ARHGEF9: variants seen among roughly 807,000 people sequenced by gnomAD.
ARHGEF9 encodes the protein Cdc42 guanine nucleotide exchange factor 9, also known as rho guanine nucleotide exchange factor 9.
In ARHGEF9, 2 loss-of-function variants were observed where a neutral mutation model predicts 41.3. The ratio of observed to expected loss-of-function variants is 0.05; its 90% CI spans 0.02 to 0.15. The LOEUF (loss-of-function observed/expected upper bound fraction) is 0.15. Ranked by LOEUF, ARHGEF9 falls within the 10% of genes least tolerant of loss-of-function variation. The probability of loss-of-function intolerance (pLI) is 1.00; values close to 1 mark genes in which losing one functional copy is unlikely to be tolerated. For missense variants in ARHGEF9, 225 were observed against 424.7 expected, an observed-to-expected ratio of 0.53 and a Z score of 4.13; for synonymous variants, 160 against 154.4, an observed-to-expected ratio of 1.04 and a Z score of -0.27.
At chrX:63,772,014 C>A (rs2056213877) in intron 1 of ARHGEF9, among the ~76,000 whole-genome samples, 1 of 112,001 alleles carries the variant, frequency 8.9e-6, no homozygotes, top group Non-Finnish European at 1.9e-5. Context: ...ACCACCAAAA[C>A]TGTGTGAGCC....
intron 1 of ARHGEF9, among the ~76,000 whole-genome samples, chrX:63,765,153 G>A (rs2056093688): frequency 9.0e-6 from 1 of 110,863 alleles, no homozygotes; most frequent in South Asian, 3.9e-4. Context: ...TTCAGGAAAT[G>A]AGTCCCAGTT....
chrX:63,725,431 T>G (rs1556416421), intron 1 of ARHGEF9, among the ~76,000 whole-genome samples: 1 of 112,363 alleles, frequency 8.9e-6, no homozygotes, highest in African/African-American at 3.2e-5. Flanking sequence ...CTGCATTTGA[T>G]GGATGGCAAA....
At chrX:63,697,872 A>G (rs2051864597) in intron 3 of ARHGEF9, among the ~76,000 whole-genome samples, 1 of 111,705 alleles carries the variant, frequency 9.0e-6, no homozygotes, top group African/African-American at 3.2e-5. Context: ...TGTTGTGTAC[A>G]TCAAAGTACA....
At chrX:63,752,912 G>A (rs1284722958) in intron 1 of ARHGEF9, among the ~76,000 whole-genome samples, 2 of 112,118 alleles carry the variant, frequency 1.8e-5, no homozygotes, top group African/African-American at 3.3e-5. Context: ...GAGCATGTGT[G>A]TAGATGTGTA....
chrX:63,775,179 A>G (rs2056272149), intron 1 of ARHGEF9, among the ~76,000 whole-genome samples: 1 of 112,389 alleles, frequency 8.9e-6, no homozygotes, highest in South Asian at 3.7e-4. Flanking sequence ...AAAATAACAA[A>G]TGGCTGATGA....
chrX:63,714,513 T>C (rs1204912999), intron 2 of ARHGEF9, among the ~76,000 whole-genome samples: 1 of 111,930 alleles, frequency 8.9e-6, no homozygotes, highest in African/African-American at 3.2e-5. Flanking sequence ...AGACAGTCTG[T>C]GACAGTGGTA....
intron 8 of ARHGEF9, among the ~76,000 whole-genome samples, chrX:63,645,218 A>G (rs1281517426): frequency 1.2e-4 from 13 of 110,521 alleles, no homozygotes; most frequent in Non-Finnish European, 2.3e-4. Flanking sequence ...ATACTCTAAA[A>G]TGATTTTTTT....
chrX:63,713,849 G>A (rs1246104393), intron 2 of ARHGEF9, among the ~76,000 whole-genome samples: 1 of 110,554 alleles, frequency 9.0e-6, no homozygotes, highest in Non-Finnish European at 1.9e-5. Flanking sequence ...CAATCAGCAC[G>A]GTATGTACAG....
At position 63,635,568 on chromosome X, in the gene ARHGEF9, C is replaced by T; in HGVS notation, c.*2460G>A. The T allele has an allele frequency of 2.3e-6, 1 of 438,100 alleles. No individual in the cohort carries two copies. The highest frequency in any genetic ancestry group is 4.0e-6 in the Non-Finnish European group (1 of 250,899). 36.1% of individuals were successfully genotyped at this position (438,100 alleles called of 1,213,427 possible). A position where few individuals can be genotyped will look rare whatever the true frequency, so the allele number is the denominator to read the frequency against. Reference sequence around the variant, plus strand: ...TGATGCTATAGGCTGAGGGAATACTCCAACCAATGGGGAAATGATTTCTTG... The same window carrying T: ...TGATGCTATAGGCTGAGGGAATACTTCAACCAATGGGGAAATGATTTCTTG... On this transcript the variant is annotated 3_prime_UTR_variant, in exon 10 of 10. Coordinates refer to ENST00000671741, the MANE Select transcript of ARHGEF9 (RefSeq NM_001353921.2).
chrX:63,683,119 C>T (rs2050759177), intron 4 of ARHGEF9, among the ~76,000 whole-genome samples: 1 of 109,177 alleles, frequency 9.2e-6, no homozygotes, highest in South Asian at 3.9e-4. Flanking sequence ...AGAAAAAAAC[C>T]TGTTAGAAAA....
At chrX:63,709,294 C>G (rs1316435361) in intron 2 of ARHGEF9, 1 of 111,884 alleles carries the variant, frequency 8.9e-6, no homozygotes, top group African/African-American at 3.2e-5. Flanking sequence ...TCACTGAACT[C>G]CGAAGCAAGG....
chrX:63,703,120 C>G (rs1487105128), intron 3 of ARHGEF9: 1 of 112,335 alleles, frequency 8.9e-6, no homozygotes, highest in Non-Finnish European at 1.9e-5. Flanking sequence ...CCCTTTGATG[C>G]CCGTGATTAT....
At chrX:63,666,043 G>A (rs1556347715) in intron 6 of ARHGEF9, 26 bp from the exon 7 acceptor site, 5 of 1,208,103 alleles carry the variant, frequency 4.1e-6, no homozygotes, top group Admixed American at 4.4e-5. Flanking sequence ...GATGATGAGA[G>A]GCAGCCAGGC....
chrX:63,679,869 A>C (rs781978938), intron 4 of ARHGEF9, among the ~76,000 whole-genome samples: 19 of 112,158 alleles, frequency 1.7e-4, no homozygotes, highest in Admixed American at 3.8e-4. Context: ...AATAGACAGA[A>C]TATAGACTGA....
chrX:63,750,604 A>G (rs1342762980), intron 1 of ARHGEF9, among the ~76,000 whole-genome samples: 1 of 111,730 alleles, frequency 9.0e-6, no homozygotes, highest in Non-Finnish European at 1.9e-5. Flanking sequence ...GGCTGTCTCA[A>G]TGGAAGAAGA....
In ARHGEF9 at chrX:63,665,573, C is replaced by A. The variant is rs376666042; in HGVS notation, c.1077+313G>T. On this transcript the variant is annotated intron_variant, in intron 7 of 9. Coordinates refer to ENST00000671741, the MANE Select transcript of ARHGEF9 (RefSeq NM_001353921.2). ...GATAGACATATTTCAATATTTTTTACAAATGGTGCAGACCAGCAGCTCTGG... is the reference window on the plus strand; with the variant it reads ...GATAGACATATTTCAATATTTTTTAAAAATGGTGCAGACCAGCAGCTCTGG... Among the ~76,000 whole-genome samples the A allele has an allele frequency of 4.4e-5, 5 of 112,614 alleles. No homozygotes were observed. The East Asian group carries it at 1.1e-3, about 25-fold the overall frequency.
chrX:63,775,610 G>A (rs1569507309), intron 1 of ARHGEF9, among the ~76,000 whole-genome samples: 1 of 112,072 alleles, frequency 8.9e-6, no homozygotes, highest in African/African-American at 3.2e-5. Flanking sequence ...ACTTACAAGT[G>A]TGAGATAAAC....
rs1556300901 is a variant in ARHGEF9 at position 63,638,090 on chromosome X, G to A, written c.1510C>T (p.Pro504Ser). Residue 504 changes from proline (P) to serine (S), a missense_variant, in exon 10 of 10, where the codon CCC becomes TCC. Physicochemically the swap from Pro to Ser is moderately conservative, Grantham distance 74. This residue lies in a region of ARHGEF9 where 75 missense variants were observed against 113.2 expected (regional missense o/e 0.66). Transcript: ENST00000671741. ...AQSQVFEFTE[P>S]KRSQSPFWQN... ...CAGAATGGTGACTGGCTGCGCTTGG[G>A]TTCGGTGAACTCAAAGACCTGCGAC... 8.3e-7 allele frequency: 1 copy of A among 1,210,507 alleles called. No individual in the cohort carries two copies. The highest frequency in any genetic ancestry group is 1.1e-6 in the Non-Finnish European group (1 of 895,031).
intron 1 of ARHGEF9, among the ~76,000 whole-genome samples, chrX:63,767,976 G>A (rs2056140887): frequency 8.9e-6 from 1 of 112,197 alleles, no homozygotes; most frequent in Non-Finnish European, 1.9e-5. Context: ...ATTCATGCAT[G>A]TCAAGGCACT....
Sources: allele counts gnomAD v4.1 joint callset (sites outside exome capture counted in the v4.1 genomes callset), GRCh38; gene constraint gnomAD v4.1.1; regional missense constraint gnomAD v4.1.1; transcripts MANE v1.5; gene names NCBI Gene and HGNC (gene_info 2026-07-23, HGNC 2026-07-21).